Variants in COX7B2 observed in about 807,000 individuals in gnomAD.
COX7B2 encodes the protein cytochrome c oxidase subunit 7B2, mitochondrial.
For synonymous variants in COX7B2, 37 were observed against 32.1 expected (o/e 1.15, Z -0.51); for missense variants, 109 against 95.9 (o/e 1.14, Z -0.57).
intron 2 of COX7B2, among the ~76,000 whole-genome samples, chr4:46,789,504 C>A (rs1295998244): frequency 6.6e-6 from 1 of 152,132 alleles, no homozygotes; most frequent in Admixed American, 6.5e-5. Context: ...CCACTGCTCA[C>A]GATTACCGTG....
At chr4:46,769,453 C>T (rs949043476) in intron 2 of COX7B2, among the ~76,000 whole-genome samples, 4 of 152,048 alleles carry the variant, frequency 2.6e-5, no homozygotes, top group East Asian at 3.9e-4. Context: ...TGATTTTGGC[C>T]GGGCACGGTG....
intron 2 of COX7B2, among the ~76,000 whole-genome samples, chr4:46,806,301 A>T (rs950327204): frequency 2.6e-5 from 4 of 152,062 alleles, no homozygotes; most frequent in Admixed American, 6.5e-5. Context: ...CTTAAAGCAG[A>T]AAAAACAATA....
chr4:46,855,506 T>C (rs1326059661), intron 1 of COX7B2, among the ~76,000 whole-genome samples: 1 of 151,828 alleles, frequency 6.6e-6, no homozygotes, highest in Admixed American at 6.6e-5. Context: ...AATGACAAAA[T>C]AGATACTAAT....
intron 2 of COX7B2, among the ~76,000 whole-genome samples, chr4:46,793,608 C>T (rs1001520856): frequency 1.3e-5 from 2 of 152,194 alleles, no homozygotes; most frequent in Non-Finnish European, 2.9e-5. Context: ...AGATGTGCAG[C>T]TCAAACACCA....
At chr4:46,856,054 G>C (rs1716993182) in intron 1 of COX7B2, among the ~76,000 whole-genome samples, 2 of 151,972 alleles carry the variant, frequency 1.3e-5, no homozygotes, top group Admixed American at 1.3e-4. Context: ...GATCAGCTTT[G>C]CCAACATAAA....
At chr4:46,830,684 A>T (rs1474164075) in intron 2 of COX7B2, among the ~76,000 whole-genome samples, 1 of 152,254 alleles carries the variant, frequency 6.6e-6, no homozygotes, top group Non-Finnish European at 1.5e-5. Flanking sequence ...AAGTGGCTTA[A>T]CACAATAGAT....
rs954675718 is a variant in COX7B2, at chr4:46,827,170, GA to G, written c.-50+17789del. 1.3e-4 allele frequency among the ~76,000 whole-genome samples: 20 copies of G among 151,522 alleles called. 1 individual carries two copies. The highest frequency in any genetic ancestry group is 1.1e-3 in the Admixed American group (16 of 15,208). On this transcript the variant is annotated intron_variant, in intron 2 of 2. Coordinates refer to ENST00000355591, the MANE Select transcript of COX7B2 (RefSeq NM_130902.3). ...AGGAGAATAGAGACAAAAAGTGAAAGAAAAAAATATTTGCAGAAATAAAAGG... is the reference window on the plus strand; with the variant it reads ...AGGAGAATAGAGACAAAAAGTGAAAGAAAAAATATTTGCAGAAATAAAAGG...
intron 2 of COX7B2, among the ~76,000 whole-genome samples, chr4:46,838,502 A>G (rs1715688011): frequency 6.6e-6 from 1 of 152,074 alleles, no homozygotes; most frequent in African/African-American, 2.4e-5. Flanking sequence ...TGTGCCAAAG[A>G]AAAGTATCTA....
At chr4:46,739,682 A>C (rs1420794627) in intron 2 of COX7B2, among the ~76,000 whole-genome samples, 3 of 152,062 alleles carry the variant, frequency 2.0e-5, no homozygotes, top group African/African-American at 7.2e-5. Context: ...AGACAGAAAC[A>C]AAAATTGTTG....
chr4:46,831,680 G>T (rs1179848603), intron 2 of COX7B2, among the ~76,000 whole-genome samples: 2 of 152,236 alleles, frequency 1.3e-5, no homozygotes. Context: ...AATCTGGAGG[G>T]GACTTGGAGA....
At chr4:46,777,831 C>T (rs1035468806) in intron 2 of COX7B2, among the ~76,000 whole-genome samples, 4 of 152,070 alleles carry the variant, frequency 2.6e-5, no homozygotes, top group African/African-American at 9.7e-5. Context: ...GCTTCAATTT[C>T]CTCAAAAATA....
chr4:46,787,027 C>T (rs1717786042), intron 2 of COX7B2, among the ~76,000 whole-genome samples: 1 of 152,178 alleles, frequency 6.6e-6, no homozygotes, highest in African/African-American at 2.4e-5. Flanking sequence ...TAGCTTTCTT[C>T]CATCTTCTGA....
intron 2 of COX7B2, among the ~76,000 whole-genome samples, chr4:46,820,751 G>T (rs1714216341): frequency 1.3e-5 from 2 of 150,838 alleles, no homozygotes; most frequent in South Asian, 2.1e-4. Context: ...AACCTGGGAG[G>T]CAGAGGTTGC....
At chr4:46,797,092 T>TAAAAAAAAA (rs762801656) in intron 2 of COX7B2, among the ~76,000 whole-genome samples, 16 of 62,558 alleles carry the variant, frequency 2.6e-4, no homozygotes, top group East Asian at 4.8e-4. Context: ...TAGAGTATAA[T>TAAAAAAAAA]AAAAAAAAAA....
intron 2 of COX7B2, among the ~76,000 whole-genome samples, chr4:46,769,986 G>A (rs1716778207): frequency 6.6e-6 from 1 of 152,106 alleles, no homozygotes; most frequent in Non-Finnish European, 1.5e-5. Context: ...ACACAGTACA[G>A]GAAGGCCTTG....
intron 2 of COX7B2, among the ~76,000 whole-genome samples, chr4:46,767,386 G>A (rs1320282706): frequency 6.6e-6 from 1 of 152,074 alleles, no homozygotes; most frequent in Non-Finnish European, 1.5e-5. Flanking sequence ...CAACTGAAGG[G>A]AAATAGACAA....
intron 1 of COX7B2, among the ~76,000 whole-genome samples, chr4:46,869,878 T>C (rs1046656661): frequency 6.6e-6 from 1 of 152,158 alleles, no homozygotes; most frequent in African/African-American, 2.4e-5. Flanking sequence ...GCATAGAGTC[T>C]TGAGGGAGTT....
At chr4:46,766,376 C>T (rs1044214730) in intron 2 of COX7B2, among the ~76,000 whole-genome samples, 4 of 152,072 alleles carry the variant, frequency 2.6e-5, no homozygotes, top group African/African-American at 9.7e-5. Context: ...TACAGTGTGA[C>T]ACCTTTTTTG....
intron 2 of COX7B2, among the ~76,000 whole-genome samples, chr4:46,744,739 T>A (rs1280740740): frequency 6.1e-5 from 6 of 98,246 alleles, no homozygotes; most frequent in Non-Finnish European, 1.1e-4. Context: ...GATATTTTAA[T>A]TTTTTTTTTT....
Sources: allele counts gnomAD v4.1 joint callset (sites outside exome capture counted in the v4.1 genomes callset), GRCh38; gene constraint gnomAD v4.1.1; transcripts MANE v1.5; gene names NCBI Gene and HGNC (gene_info 2026-07-23, HGNC 2026-07-21).